IFNAR1: variants seen among roughly 807,000 people sequenced by gnomAD.
IFNAR1 encodes the protein interferon alpha and beta receptor subunit 1.
Under a neutral mutation model 62.1 loss-of-function variants are expected in IFNAR1, and 47 were observed. That is an observed-to-expected ratio of 0.76 (90% confidence interval 0.60 to 0.97). The LOEUF is 0.97. IFNAR1 is among the 50% of genes least tolerant of loss of function. The probability of loss-of-function intolerance (pLI) is 0.00; values close to 1 mark genes in which losing one functional copy is unlikely to be tolerated. For missense variants in IFNAR1, 638 were observed against 654.5 expected, an observed-to-expected ratio of 0.97 and a Z score of 0.27; for synonymous variants, 219 against 226.9, an observed-to-expected ratio of 0.97 and a Z score of 0.31.
chr21:33,347,089 T>G (rs1348787645), intron 6 of IFNAR1, among the ~76,000 whole-genome samples: 1 of 151,576 alleles, frequency 6.6e-6, no homozygotes, highest in Non-Finnish European at 1.5e-5. Context: ...GGTGGCTCAC[T>G]TCTTAGAGGC....
intron 1 of IFNAR1, among the ~76,000 whole-genome samples, chr21:33,326,265 C>T (rs1021744569): frequency 2.0e-5 from 3 of 147,150 alleles, no homozygotes; most frequent in African/African-American, 5.0e-5. Context: ...TGTGCAGAGG[C>T]GTGATCTCAG....
At chr21:33,342,930 C>T (rs1158320441) in intron 3 of IFNAR1, among the ~76,000 whole-genome samples, 1 of 150,158 alleles carries the variant, frequency 6.7e-6, no homozygotes, top group Admixed American at 6.7e-5. Flanking sequence ...ATTCCCAGTC[C>T]TCTTCTGGCT....
upstream of IFNAR1, chr21:33,324,720 C>G (rs910522634): frequency 2.8e-6 from 1 of 352,074 alleles, no homozygotes; most frequent in Admixed American, 4.3e-5. Flanking sequence ...TGCTCCAGAC[C>G]GGCCATAGGC....
chr21:33,325,272 C>A, intron 1 of IFNAR1, 141 bp downstream of exon 1: 1 of 729,770 alleles, frequency 1.4e-6, no homozygotes, highest in South Asian at 1.6e-5. Flanking sequence ...AAAGATTAAA[C>A]CCGACCTGGG....
chr21:33,341,061 A>C lies in IFNAR1; in HGVS notation c.263A>C (p.Asn88Thr), dbSNP rs577823502. 6.2e-7 allele frequency: 1 copy of C among 1,612,490 alleles called. No individual in the cohort carries two copies. Among genetic ancestry groups the C allele is most frequent in the Non-Finnish European group, 8.5e-7 (1 of 1,178,680 alleles). ...CAGAATATTACTAGTACCAAATGCAACTTTTCTTCACTCAAGCTGAATGTT... is the reference window on the plus strand; with the variant it reads ...CAGAATATTACTAGTACCAAATGCACCTTTTCTTCACTCAAGCTGAATGTT... The part of the protein sequence containing the change: ...GCQNITSTKC[N>T]FSSLKLNVYE... The change falls in exon 3 of 11, where the codon AAC becomes ACC. Residue 88 changes from asparagine (N) to threonine (T), a missense_variant. Asn to Thr is a moderately conservative substitution (Grantham distance 65). Transcript: ENST00000270139.
At chr21:33,336,995 C>T (rs921570970) in intron 2 of IFNAR1, among the ~76,000 whole-genome samples, 2 of 152,114 alleles carry the variant, frequency 1.3e-5, no homozygotes, top group Admixed American at 1.3e-4. Flanking sequence ...AGGTGGTCTG[C>T]TCACCTCAGC....
intron 3 of IFNAR1, among the ~76,000 whole-genome samples, chr21:33,342,896 A>G (rs2083307752): frequency 6.8e-6 from 1 of 147,822 alleles, no homozygotes; most frequent in Non-Finnish European, 1.5e-5. Flanking sequence ...TCAAGGTCAC[A>G]GCAGCCTCCA....
intron 8 of IFNAR1, among the ~76,000 whole-genome samples, chr21:33,350,624 C>T (rs2123265195): frequency 6.6e-6 from 1 of 152,246 alleles, no homozygotes; most frequent in Non-Finnish European, 1.5e-5. Flanking sequence ...ATCACTTCCC[C>T]CTCGTGGACT....
At chr21:33,328,986 T>G (rs1185753632) in intron 1 of IFNAR1, among the ~76,000 whole-genome samples, 2 of 152,052 alleles carry the variant, frequency 1.3e-5, no homozygotes, top group Non-Finnish European at 2.9e-5. Context: ...AGATTGCCAA[T>G]AATAATAGAG....
chr21:33,333,951 G>A (rs2083207683), intron 1 of IFNAR1, among the ~76,000 whole-genome samples: 1 of 151,992 alleles, frequency 6.6e-6, no homozygotes, highest in Admixed American at 6.6e-5. Context: ...CACCTATAAA[G>A]ACACATATAA....
In IFNAR1 at chr21:33,350,194, T is replaced by C. The variant is rs1601863917; in HGVS notation, c.1143+651T>C. ...TGGATAGTTCCTTGGGAGGGGGCTGTCCAGTGCAGTGCAGGATGCTTGGCA... is the reference window on the plus strand; with the variant it reads ...TGGATAGTTCCTTGGGAGGGGGCTGCCCAGTGCAGTGCAGGATGCTTGGCA... On this transcript the variant is annotated intron_variant, in intron 8 of 10. Transcript: ENST00000270139. 4.0e-5 allele frequency among the ~76,000 whole-genome samples: 6 copies of C among 150,456 alleles called. No individual in the cohort carries two copies. In the South Asian group the frequency reaches 1.3e-3, roughly 32 times the overall value.
intron 5 of IFNAR1, among the ~76,000 whole-genome samples, chr21:33,345,026 G>A (rs1291705194): frequency 6.6e-6 from 1 of 152,100 alleles, no homozygotes; most frequent in Non-Finnish European, 1.5e-5. Context: ...GACCTCAGGT[G>A]ATCCATCCAC....
rs372484200 is a variant in IFNAR1, at chr21:33,341,048, A to G, written c.250A>G (p.Ser84Gly). 21 of 1,612,504 alleles carry G rather than the reference A, an allele frequency of 1.3e-5. No homozygotes were observed. The highest frequency in any genetic ancestry group is 3.3e-4 in the Middle Eastern group (2 of 6,076). ...ATTGTCTGGGTGTCAGAATATTACT[A>G]GTACCAAATGCAACTTTTCTTCACT... ...IKLSGCQNIT[S>G]TKCNFSSLKL... The change falls in exon 3 of 11, where the codon AGT (serine) becomes GGT (glycine). Residue 84 changes from serine to glycine, a missense_variant. Transcript: ENST00000270139.
chr21:33,332,412 GTC>G (rs778587773), intron 1 of IFNAR1, among the ~76,000 whole-genome samples: 12 of 152,164 alleles, frequency 7.9e-5, no homozygotes, highest in Admixed American at 3.3e-4. Flanking sequence ...GAAAGCCACT[GTC>G]TGTAAAGTTT....
rs1216826605 is a variant in IFNAR1 at position 33,358,311 on chromosome 21, C to T, written c.*2762C>T. ...GTAAGTGACAAGTATTTTTTCTGAA[C>T]AGAAGTTTACTTAGAAATACCATGC... On this transcript the variant is annotated 3_prime_UTR_variant, in exon 11 of 11. Transcript: ENST00000270139. The T allele has an allele frequency of 6.6e-6, 1 of 152,140 alleles. No homozygotes were observed. The highest frequency in any genetic ancestry group is 2.4e-5 in the African/African-American group (1 of 41,458). The allele number at this position is 152,140 out of a possible 1,614,324, so 9.4% of individuals were successfully genotyped here.
intron 1 of IFNAR1, chr21:33,334,600 A>G: frequency 1.6e-6 from 1 of 607,046 alleles, no homozygotes; most frequent in Non-Finnish European, 3.2e-6. Flanking sequence ...GGTGAAATGA[A>G]AGGGCACTAG....
intron 5 of IFNAR1, among the ~76,000 whole-genome samples, chr21:33,344,438 C>CT (rs35463498): frequency 1.4e-5 from 2 of 147,634 alleles, no homozygotes; most frequent in Admixed American, 6.8e-5. Flanking sequence ...ATTTCATATG[C>CT]TTTTTTTTTT....
At chr21:33,354,691 T>C (rs2083431297) in intron 10 of IFNAR1, among the ~76,000 whole-genome samples, 1 of 152,180 alleles carries the variant, frequency 6.6e-6, no homozygotes, top group South Asian at 2.1e-4. Flanking sequence ...GGGTGGGTTT[T>C]GTGAATTTGA....
chr21:33,351,265 T>C (rs2083394530), intron 8 of IFNAR1, among the ~76,000 whole-genome samples: 1 of 152,216 alleles, frequency 6.6e-6, no homozygotes, highest in Non-Finnish European at 1.5e-5. Flanking sequence ...CCGTAGATGC[T>C]GGAGCCCAAG....
Sources: gnomAD v4.1 joint callset for allele counts (sites outside exome capture counted in the v4.1 genomes callset) on GRCh38, gnomAD v4.1.1 for gene constraint, MANE v1.5 for transcripts, NCBI Gene and HGNC (gene_info 2026-07-23, HGNC 2026-07-21) for gene names.